Variants in GPC6 observed in about 807,000 individuals in gnomAD.
GPC6 encodes the protein glypican-6.
Under a neutral mutation model 55.2 loss-of-function variants are expected in GPC6, and 14 were observed. That is an observed-to-expected ratio of 0.25 (90% CI 0.17 to 0.40). The LOEUF is 0.40. Ranked by LOEUF, GPC6 falls within the 10% of genes least tolerant of loss-of-function variation. The probability of loss-of-function intolerance (pLI) is 1.00; values close to 1 mark genes in which losing one functional copy is unlikely to be tolerated. For synonymous variants in GPC6, 278 were observed against 259.6 expected (o/e 1.07, Z -0.68); for missense variants, 641 against 708.5 (o/e 0.90, Z 1.08).
At chr13:93,827,865 C>G (rs1490781034) in intron 2 of GPC6, among the ~76,000 whole-genome samples, 2 of 151,802 alleles carry the variant, frequency 1.3e-5, no homozygotes, top group African/African-American at 2.4e-5. Context: ...GCTCAATATT[C>G]AGAGTCCTCA....
At chr13:93,525,131 A>G (rs1183159025) in intron 1 of GPC6, among the ~76,000 whole-genome samples, 2 of 152,084 alleles carry the variant, frequency 1.3e-5, no homozygotes, top group East Asian at 1.9e-4. Flanking sequence ...TACCATGTCT[A>G]TATCCTTTGG....
chr13:93,243,960 C>T (rs752688281), intron 1 of GPC6, among the ~76,000 whole-genome samples: 1 of 151,690 alleles, frequency 6.6e-6, no homozygotes, highest in Non-Finnish European at 1.5e-5. Flanking sequence ...TGGGCAGGGC[C>T]GTGGAACTCC....
At chr13:94,037,448 ATTC>A (rs139163702) in intron 4 of GPC6, among the ~76,000 whole-genome samples, 1,653 of 152,100 alleles carry the variant, frequency 0.011, 27 homozygotes, top group African/African-American at 0.036. Context: ...AAGAAATTCT[ATTC>A]TTCTATTTCT....
rs530473284 is a variant in GPC6, at chr13:94,266,283, A to C, written c.878-20066A>C. Among the ~76,000 whole-genome samples, 69 of 151,800 alleles carry C rather than the reference A, an allele frequency of 4.5e-4. No homozygotes were observed. In the South Asian group the frequency reaches 5.4e-3, roughly 12 times the overall value. On this transcript the variant is annotated intron_variant, in intron 4 of 8. Transcript: ENST00000377047. ...TCCCGGGTTCACTCGATTCTCCTGC[A>C]TCAGCCTCCCGAGTAGCTGGGACTA... is the stretch of plus-strand genomic sequence containing the variant.
chr13:94,157,834 G>A (rs1272153554), intron 4 of GPC6, among the ~76,000 whole-genome samples: 1 of 152,136 alleles, frequency 6.6e-6, no homozygotes, highest in South Asian at 2.1e-4. Context: ...GCTTTGACTG[G>A]TACAGTGATA....
At chr13:93,596,387 C>T (rs780622710) in intron 2 of GPC6, among the ~76,000 whole-genome samples, 130 of 151,772 alleles carry the variant, frequency 8.6e-4, no homozygotes, top group African/African-American at 2.2e-4. Flanking sequence ...AGGAATGAGA[C>T]GAGTTAGGGG....
chr13:93,901,990 A>G lies in GPC6; in HGVS notation c.711+71445A>G, dbSNP rs548698133. ...AAGTACAGTGTGTTTTGATACATTT[A>G]TATTTTGTGTAAAAATCAAATCAGG... On this transcript the variant is annotated intron_variant, in intron 3 of 8. Coordinates refer to ENST00000377047, the MANE Select transcript of GPC6 (RefSeq NM_005708.5). 1.6e-4 allele frequency among the ~76,000 whole-genome samples: 25 copies of G among 152,066 alleles called. No homozygotes were observed. In the East Asian group the frequency reaches 4.8e-3, roughly 29 times the overall value.
intron 6 of GPC6, among the ~76,000 whole-genome samples, chr13:94,374,690 T>A (rs1011489964): frequency 1.3e-5 from 2 of 151,082 alleles, no homozygotes; most frequent in African/African-American, 4.9e-5. Flanking sequence ...GGAATTGAAC[T>A]CAGCTCTGCA....
chr13:94,335,559 A>AAAT (rs1877640803), intron 6 of GPC6, among the ~76,000 whole-genome samples: 1 of 151,966 alleles, frequency 6.6e-6, no homozygotes, highest in Admixed American at 6.6e-5. Flanking sequence ...CTAGTAGGAT[A>AAAT]AATAGTTGCC....
chr13:93,537,295 G>C (rs936705425), intron 1 of GPC6, among the ~76,000 whole-genome samples: 4 of 152,160 alleles, frequency 2.6e-5, no homozygotes, highest in African/African-American at 9.7e-5. Context: ...CCTTCCAATA[G>C]ATGGATAGTT....
chr13:93,374,404 A>G lies in GPC6; in HGVS notation c.160+146788A>G, dbSNP rs1043553134. 1.6e-4 allele frequency among the ~76,000 whole-genome samples: 25 copies of G among 152,138 alleles called. 1 individual carries two copies. The highest frequency in any genetic ancestry group is 6.3e-3 in the Middle Eastern group (2 of 316). On this transcript the variant is annotated intron_variant, in intron 1 of 8. Transcript: ENST00000377047. ...TGGGAAGTTGATGAGTGGCAAGGTG[A>G]TGCACAGTTCTACCTCTCTTACGGG...
chr13:93,978,441 AGTT>A (rs1374635562), intron 3 of GPC6, among the ~76,000 whole-genome samples: 2 of 152,190 alleles, frequency 1.3e-5, no homozygotes, highest in Non-Finnish European at 2.9e-5. Context: ...CCATTTTAGT[AGTT>A]CTCAATACAG....
chr13:93,513,477 A>G (rs1258441635), intron 1 of GPC6, among the ~76,000 whole-genome samples: 2 of 152,198 alleles, frequency 1.3e-5, no homozygotes, highest in East Asian at 1.9e-4. Context: ...TTGTTTGACT[A>G]TGATTCTAGG....
chr13:93,675,262 T>C (rs970131374), intron 2 of GPC6, among the ~76,000 whole-genome samples: 2 of 152,030 alleles, frequency 1.3e-5, no homozygotes, highest in East Asian at 3.9e-4. Context: ...TTAATTATGA[T>C]GATGATGTTT....
intron 3 of GPC6, among the ~76,000 whole-genome samples, chr13:93,865,311 AT>A (rs1210960515): frequency 6.6e-6 from 1 of 151,712 alleles, no homozygotes; most frequent in African/African-American, 2.4e-5. Flanking sequence ...TCTATTTTCA[AT>A]GATAAATGTC....
intron 2 of GPC6, among the ~76,000 whole-genome samples, chr13:93,577,955 A>G (rs1876743894): frequency 1.3e-5 from 2 of 152,128 alleles, no homozygotes. Context: ...TTCAGCATCA[A>G]TTGAAATAAT....
rs759537996 is a variant in GPC6 at position 93,227,442 on chromosome 13, T to G, written c.-15T>G. 3 of 1,612,710 alleles carry G rather than the reference T, an allele frequency of 1.9e-6. No individual in the cohort carries two copies. The Admixed American group carries it at 5.0e-5, about 27-fold the overall frequency. On this transcript the variant is annotated 5_prime_UTR_variant, in exon 1 of 9. Transcript: ENST00000377047. The surrounding 1 kb of genome is among the most constrained non-coding windows in gnomAD (Gnocchi z 4.3). ...CGGCCGTGGGGTTTACCGAGCTGGA[T>G]TTGTATGTTGCACCATGCCTTCTTG...
In GPC6 at chr13:93,522,550, C is replaced by G. The variant is rs555111274; in HGVS notation, c.161-22713C>G. Among the ~76,000 whole-genome samples the G allele has an allele frequency of 4.0e-5, 6 of 151,876 alleles. No homozygotes were observed. The South Asian group carries it at 1.2e-3, about 32-fold the overall frequency. ...TCCTTTAACAATATTCCCTTTATGGCAGAAATGTTGGAGATGTGTTTTATT... is the reference window on the plus strand; with the variant it reads ...TCCTTTAACAATATTCCCTTTATGGGAGAAATGTTGGAGATGTGTTTTATT... On this transcript the variant is annotated intron_variant, in intron 1 of 8. Transcript: ENST00000377047.
chr13:93,745,300 A>G (rs1035858251), intron 2 of GPC6, among the ~76,000 whole-genome samples: 5 of 151,940 alleles, frequency 3.3e-5, no homozygotes, highest in African/African-American at 1.2e-4. Context: ...TCTATGTCCC[A>G]TGCCTTTTCA....
Sources: allele counts gnomAD v4.1 joint callset (sites outside exome capture counted in the v4.1 genomes callset), GRCh38; gene constraint gnomAD v4.1.1; non-coding constraint Gnocchi (gnomAD v3.1); transcripts MANE v1.5; gene names NCBI Gene and HGNC (gene_info 2026-07-23, HGNC 2026-07-21).